The following PDE3B variants were observed in gnomAD, a reference collection of about 807,000 sequenced individuals.
PDE3B encodes phosphodiesterase 3B, also known as cGMP-inhibited 3',5'-cyclic phosphodiesterase 3B.
PDE3B carries 66 observed loss-of-function variants against 116.8 expected under a neutral mutation model. The ratio of observed to expected loss-of-function variants is 0.56; its 90% CI spans 0.46 to 0.69. The LOEUF (loss-of-function observed/expected upper bound fraction) is 0.69, where lower values mean the gene tolerates loss of function less well. PDE3B is among the 30% of genes least tolerant of loss of function. The pLI, the probability that PDE3B is intolerant of heterozygous loss-of-function variation, is 0.00. For synonymous variants in PDE3B, 595 were observed against 533.6 expected (o/e 1.12, Z -1.59); for missense variants, 1,384 against 1,368.1 (o/e 1.01, Z -0.18).
chr11:14,735,958 T>TTGTGTG (rs59099319), intron 1 of PDE3B, among the ~76,000 whole-genome samples: 5,158 of 142,960 alleles, frequency 0.036, 109 homozygotes, highest in African/African-American at 0.062. Context: ...GAATAATAGG[T>TTGTGTG]TGTGTGTGTG....
At chr11:14,673,524 A>T in intron 1 of PDE3B, 1 of 396,854 alleles carries the variant, frequency 2.5e-6, no homozygotes, top group Non-Finnish European at 5.0e-6. Flanking sequence ...TACAAGAGAT[A>T]GACTAAGAAC....
chr11:14,754,781 T>C (rs993785840), intron 1 of PDE3B, among the ~76,000 whole-genome samples: 1 of 152,116 alleles, frequency 6.6e-6, no homozygotes, highest in Non-Finnish European at 1.5e-5. Context: ...TTTTTAGGTC[T>C]CTTCATCCTT....
rs1354031309 is a variant in PDE3B at position 14,644,998 on chromosome 11, A to C, written c.923A>C (p.Tyr308Ser). 6.2e-7 allele frequency: 1 copy of C among 1,613,422 alleles called. No individual in the cohort carries two copies. The highest frequency in any genetic ancestry group is 2.2e-5 in the East Asian group (1 of 44,878). ...TTAGGAGAAACTGCAGCCAGTTACT[A>C]TGGCAGTTGCAAAATATTCAGGAGA... Reference protein sequence around the residue: ...VSLGETAASYYGSCKIFRRPS... With the variant: ...VSLGETAASYSGSCKIFRRPS... Residue 308 changes from tyrosine to serine, a missense_variant, in exon 1 of 16, where the codon TAT becomes TCT. Physicochemically the swap from Tyr to Ser is moderately radical, Grantham distance 144. Coordinates refer to ENST00000282096, the MANE Select transcript of PDE3B (RefSeq NM_000922.4).
chr11:14,833,476 T>C (rs1486385993), intron 10 of PDE3B, among the ~76,000 whole-genome samples: 1 of 152,212 alleles, frequency 6.6e-6, no homozygotes, highest in African/African-American at 2.4e-5. Context: ...TTTCTATTTT[T>C]AAAATTAATT....
intron 1 of PDE3B, among the ~76,000 whole-genome samples, chr11:14,732,672 G>A (rs557805831): frequency 1.3e-5 from 2 of 152,128 alleles, no homozygotes; most frequent in East Asian, 3.9e-4. Flanking sequence ...TGGGAGATTG[G>A]TTCCAGGACT....
intron 5 of PDE3B, among the ~76,000 whole-genome samples, chr11:14,808,388 CA>C (rs1859016471): frequency 2.0e-5 from 3 of 152,136 alleles, no homozygotes; most frequent in Non-Finnish European, 4.4e-5. Context: ...ATATGTGAAA[CA>C]TGCAAAGATA....
Position 14,869,575 on chromosome 11 carries a change from A to G in PDE3B, c.3254A>G (p.Asp1085Gly), listed in dbSNP as rs368611800. ...IVEEEEKCKADGNKLQVENSS... is the reference protein window; with the variant it reads ...IVEEEEKCKAGGNKLQVENSS... ...GAGGAAGAAGAAAAATGTAAAGCTG[A>G]TGGGAATAAACTGCAGGTGGAGAAT... is the stretch of plus-strand genomic sequence containing the variant. Residue 1085 changes from aspartate to glycine, a missense_variant, in exon 16 of 16, where the codon GAT becomes GGT. Asp to Gly is a moderately conservative substitution (Grantham distance 94, BLOSUM62 -1). Transcript: ENST00000282096. 7 of 1,614,038 alleles carry G rather than the reference A, an allele frequency of 4.3e-6. No homozygotes were observed. In the African/African-American group the frequency reaches 8.0e-5, roughly 18 times the overall value.
chr11:14,723,212 A>G (rs998028006), intron 1 of PDE3B, among the ~76,000 whole-genome samples: 4 of 152,188 alleles, frequency 2.6e-5, no homozygotes, highest in Non-Finnish European at 5.9e-5. Flanking sequence ...TTTGACTCCA[A>G]TTTAGCCATT....
the PDE3B span, chr11:14,878,028 G>C: frequency 5.4e-5 from 74 of 1,369,408 alleles, no homozygotes; most frequent in Non-Finnish European, 7.3e-5. Flanking sequence ...TTGATGCTGT[G>C]ACTTTTATTC....
intron 5 of PDE3B, among the ~76,000 whole-genome samples, chr11:14,807,957 G>C (rs1358083717): frequency 6.6e-6 from 1 of 151,990 alleles, no homozygotes; most frequent in African/African-American, 2.4e-5. Flanking sequence ...CTACTCGGGA[G>C]GTTGAGGCAC....
chr11:14,645,929 C>T (rs1022891360), intron 1 of PDE3B, among the ~76,000 whole-genome samples: 1 of 152,186 alleles, frequency 6.6e-6, no homozygotes, highest in Non-Finnish European at 1.5e-5. Flanking sequence ...CACATACTGT[C>T]TCAGATCCTC....
chr11:14,709,263 A>G (rs978917645), intron 1 of PDE3B, among the ~76,000 whole-genome samples: 2 of 152,178 alleles, frequency 1.3e-5, no homozygotes, highest in East Asian at 3.8e-4. Context: ...AAATGCTACC[A>G]TTGTAGAGCA....
At chr11:14,822,843 T>C (rs1191550708) in intron 7 of PDE3B, among the ~76,000 whole-genome samples, 1 of 152,196 alleles carries the variant, frequency 6.6e-6, no homozygotes, top group Non-Finnish European at 1.5e-5. Context: ...CCTTGCAGGA[T>C]AAGACCACTA....
In PDE3B at chr11:14,644,797, CCTCCGCCCTCAGGCCGCTGCT is replaced by C; in HGVS notation, c.728_748del (p.Ala243_Ser249del). On this transcript the variant is annotated inframe_deletion, in exon 1 of 16. Transcript: ENST00000282096. ...TCCTTCACCAGCCTCGGGTCGCTGC[CCTCCGCCCTCAGGCCGCTGCT>C]CTCCGGCCTGGTGGGGGGCGCTGGC... 6.2e-7 allele frequency: 1 copy of C among 1,610,916 alleles called. No individual in the cohort carries two copies. Among genetic ancestry groups the C allele is most frequent in the Non-Finnish European group, 8.5e-7 (1 of 1,178,478 alleles).
intron 2 of PDE3B, among the ~76,000 whole-genome samples, chr11:14,785,628 G>C (rs1464976001): frequency 6.6e-6 from 1 of 151,882 alleles, no homozygotes; most frequent in Non-Finnish European, 1.5e-5. Flanking sequence ...ATGGGTAATC[G>C]AGTTGAACAT....
At chr11:14,657,543 ATACT>A (rs1282949953) in intron 1 of PDE3B, among the ~76,000 whole-genome samples, 4 of 152,314 alleles carry the variant, frequency 2.6e-5, no homozygotes, top group Admixed American at 6.5e-5. Flanking sequence ...TTACGGGAAA[ATACT>A]TACATACACA....
chr11:14,722,623 T>G (rs1856153990), intron 1 of PDE3B, among the ~76,000 whole-genome samples: 1 of 152,166 alleles, frequency 6.6e-6, no homozygotes, highest in South Asian at 2.1e-4. Flanking sequence ...TTTGAAGAGC[T>G]AAAGCCTGCC....
intron 1 of PDE3B, among the ~76,000 whole-genome samples, chr11:14,768,676 C>A (rs1334994305): frequency 6.6e-6 from 1 of 151,472 alleles, no homozygotes; most frequent in African/African-American, 2.4e-5. Context: ...GTGCATTCTT[C>A]CTGTCTCCTT....
At chr11:14,677,036 A>C (rs1854550641) in intron 1 of PDE3B, among the ~76,000 whole-genome samples, 1 of 152,174 alleles carries the variant, frequency 6.6e-6, no homozygotes, top group South Asian at 2.1e-4. Flanking sequence ...CAGTTGTTCC[A>C]GCACTGTTTT....
Sources: gnomAD v4.1 joint callset for allele counts (sites outside exome capture counted in the v4.1 genomes callset) on GRCh38, gnomAD v4.1.1 for gene constraint, MANE v1.5 for transcripts, NCBI Gene and HGNC (gene_info 2026-07-23, HGNC 2026-07-21) for gene names.